The following SPTLC3 variants were observed in gnomAD, a reference collection of about 807,000 sequenced individuals.
The protein encoded by SPTLC3 is serine palmitoyltransferase long chain base subunit 3.
Under a neutral mutation model 59.3 loss-of-function variants are expected in SPTLC3, and 36 were observed. That is an observed-to-expected ratio of 0.61 (90% CI 0.47 to 0.80). The LOEUF (loss-of-function observed/expected upper bound fraction) is 0.80. Among genes scored for constraint, SPTLC3 ranks in the 30% least tolerant of loss-of-function variants. The pLI is 0.00. For synonymous variants in SPTLC3, 257 were observed against 240.8 expected, an observed-to-expected ratio of 1.07 and a Z score of -0.62; for missense variants, 625 against 685.1, an observed-to-expected ratio of 0.91 and a Z score of 0.98.
At chr20:13,102,796 T>G (rs1160171509) in intron 6 of SPTLC3, among the ~76,000 whole-genome samples, 1 of 152,174 alleles carries the variant, frequency 6.6e-6, no homozygotes. Flanking sequence ...AGGATCAGAA[T>G]CCTATGCATT....
chr20:13,156,742 A>C (rs74600693), intron 10 of SPTLC3, among the ~76,000 whole-genome samples: 2,269 of 152,334 alleles, frequency 0.015, 19 homozygotes, highest in Non-Finnish European at 0.023. Context: ...AGTAGTTGGC[A>C]TGCCATAAGC....
intron 6 of SPTLC3, among the ~76,000 whole-genome samples, chr20:13,096,477 TA>T (rs1277309972): frequency 6.6e-6 from 1 of 150,540 alleles, no homozygotes; most frequent in African/African-American, 2.4e-5. Context: ...CTGCTACACA[TA>T]ACATGGCTGA....
At chr20:13,126,549 G>C in intron 8 of SPTLC3, 42 bp from the exon 9 acceptor site, 2 of 1,608,712 alleles carry the variant, frequency 1.2e-6, no homozygotes, top group Non-Finnish European at 1.7e-6. Flanking sequence ...CCAGTGTTGA[G>C]ATTTATTTGC....
intron 4 of SPTLC3, among the ~76,000 whole-genome samples, chr20:13,082,873 G>C (rs1988885948): frequency 6.6e-6 from 1 of 152,060 alleles, no homozygotes; most frequent in African/African-American, 2.4e-5. Flanking sequence ...TATCTTTTAA[G>C]GCCAGTGATA....
At chr20:13,044,032 AG>A (rs1987114613) in intron 1 of SPTLC3, among the ~76,000 whole-genome samples, 2 of 151,880 alleles carry the variant, frequency 1.3e-5, no homozygotes, top group South Asian at 4.2e-4. Flanking sequence ...CTGTCTCCTT[AG>A]AGGACCCTCA....
intron 2 of SPTLC3, among the ~76,000 whole-genome samples, chr20:13,061,698 A>T (rs1335997774): frequency 6.6e-6 from 1 of 152,146 alleles, no homozygotes; most frequent in South Asian, 2.1e-4. Flanking sequence ...CAATACTGTC[A>T]GTTGTATGTT....
At chr20:13,152,220 A>G (rs1300498286) in intron 9 of SPTLC3, among the ~76,000 whole-genome samples, 1 of 152,202 alleles carries the variant, frequency 6.6e-6, no homozygotes, top group Non-Finnish European at 1.5e-5. Context: ...ATAGGATTAC[A>G]GTTCTTACAC....
intron 7 of SPTLC3, among the ~76,000 whole-genome samples, chr20:13,112,501 T>G (rs1990289773): frequency 6.6e-6 from 1 of 152,082 alleles, no homozygotes; most frequent in South Asian, 2.1e-4. Flanking sequence ...GAAGGTGAAA[T>G]AGACCCTACC....
At chr20:13,080,988 G>A (rs1326553318) in intron 4 of SPTLC3, among the ~76,000 whole-genome samples, 1 of 152,068 alleles carries the variant, frequency 6.6e-6, no homozygotes, top group Non-Finnish European at 1.5e-5. Context: ...TAGCACCATG[G>A]TCAAGAACAA....
At chr20:13,092,129 T>C (rs1252098659) in intron 5 of SPTLC3, among the ~76,000 whole-genome samples, 1 of 152,172 alleles carries the variant, frequency 6.6e-6, no homozygotes, top group African/African-American at 2.4e-5. Context: ...GAGAACAGAA[T>C]TTTAACAGAT....
intron 9 of SPTLC3, among the ~76,000 whole-genome samples, chr20:13,149,496 GTT>G (rs1330725947): frequency 6.6e-6 from 1 of 152,172 alleles, no homozygotes; most frequent in Non-Finnish European, 1.5e-5. Flanking sequence ...GTATGAGAAT[GTT>G]TTCAATTTTA....
At chr20:13,119,445 C>G (rs1990777858) in intron 8 of SPTLC3, among the ~76,000 whole-genome samples, 1 of 152,188 alleles carries the variant, frequency 6.6e-6, no homozygotes, top group Non-Finnish European at 1.5e-5. Flanking sequence ...TGTAGGCGTT[C>G]TTGTCCACAC....
chr20:13,064,250 C>T (rs1358328146), intron 2 of SPTLC3, among the ~76,000 whole-genome samples: 2 of 93,386 alleles, frequency 2.1e-5, no homozygotes, highest in African/African-American at 4.4e-5. Flanking sequence ...TTAAATAGTT[C>T]TTTTTTTTCT....
chr20:13,063,701 T>C (rs1988063564), intron 2 of SPTLC3, among the ~76,000 whole-genome samples: 1 of 151,714 alleles, frequency 6.6e-6, no homozygotes, highest in South Asian at 2.1e-4. Context: ...TCTCCCAGGC[T>C]GGAGTGCAGT....
At chr20:13,013,174 T>C (rs1359538845) in intron 1 of SPTLC3, among the ~76,000 whole-genome samples, 3 of 152,238 alleles carry the variant, frequency 2.0e-5, no homozygotes, top group African/African-American at 7.2e-5. Context: ...CACATTATTA[T>C]GGAAATCATT....
chr20:13,031,867 G>A (rs1986487233), intron 1 of SPTLC3, among the ~76,000 whole-genome samples: 1 of 152,144 alleles, frequency 6.6e-6, no homozygotes, highest in Non-Finnish European at 1.5e-5. Flanking sequence ...TTTAACCCTG[G>A]TATGTGGATT....
At chr20:13,066,929 A>G (rs1328809665) in intron 2 of SPTLC3, among the ~76,000 whole-genome samples, 1 of 151,668 alleles carries the variant, frequency 6.6e-6, no homozygotes, top group Non-Finnish European at 1.5e-5. Flanking sequence ...AAAATCATCA[A>G]TATAATATTC....
chr20:13,090,437 T>C (rs988383216), intron 4 of SPTLC3, among the ~76,000 whole-genome samples: 3 of 152,172 alleles, frequency 2.0e-5, no homozygotes, highest in African/African-American at 7.2e-5. Flanking sequence ...ATGGGATCTG[T>C]TTTGCATTTA....
In SPTLC3 at chr20:13,076,296, T is replaced by C. The variant is rs924104542; in HGVS notation, c.607+1799T>C. Among the ~76,000 whole-genome samples the C allele has an allele frequency of 3.9e-5, 6 of 152,198 alleles. No individual in the cohort carries two copies. The South Asian group carries it at 1.2e-3, about 32-fold the overall frequency. On this transcript the variant is annotated intron_variant, in intron 4 of 11. Transcript: ENST00000399002. ...TGGCATGCAAGAATTAGGAGTAGCG[T>C]GATTCTGAAAGCCATTTATTCTAAT...
Sources: allele counts gnomAD v4.1 joint callset (sites outside exome capture counted in the v4.1 genomes callset), GRCh38; gene constraint gnomAD v4.1.1; transcripts MANE v1.5; gene names NCBI Gene and HGNC (gene_info 2026-07-23, HGNC 2026-07-21).